ZNF888: variants seen among roughly 807,000 people sequenced by gnomAD.
The protein encoded by ZNF888 is zinc finger protein 888.
In ZNF888, 5 loss-of-function variants were observed where a neutral mutation model predicts 7.2. That is an observed-to-expected ratio of 0.70 (90% CI 0.36 to 1.46). The LOEUF (loss-of-function observed/expected upper bound fraction) is 1.46, where lower values mean the gene tolerates loss of function less well. Ranked by LOEUF, ZNF888 falls within the 40% of genes most tolerant of loss-of-function variation. The pLI is 0.03. For missense variants in ZNF888, 716 were observed against 858.0 expected, an observed-to-expected ratio of 0.83 and a Z score of 2.07; for synonymous variants, 240 against 284.3, an observed-to-expected ratio of 0.84 and a Z score of 1.57.
intron 4 of ZNF888, 144 bp downstream of exon 4, chr19:52,915,052 G>A: frequency 7.4e-7 from 1 of 1,356,572 alleles, no homozygotes; most frequent in Non-Finnish European, 9.9e-7. Context: ...GACAGTGAAA[G>A]TCCAGATGCT....
chr19:52,917,803 G>A, intron 3 of ZNF888, 56 bp downstream of exon 3: 24 of 1,612,168 alleles, frequency 1.5e-5, no homozygotes, highest in Non-Finnish European at 2.0e-5. Flanking sequence ...CAACTCCAAG[G>A]CCCAGCATTT....
chr19:52,914,012 C>T (rs2064715771), intron 4 of ZNF888, among the ~76,000 whole-genome samples: 1 of 152,130 alleles, frequency 6.6e-6, no homozygotes, highest in African/African-American at 2.4e-5. Flanking sequence ...GCAGTCCCAG[C>T]TACCCAGAAA....
intron 4 of ZNF888, among the ~76,000 whole-genome samples, chr19:52,909,129 A>C (rs1412773770): frequency 6.8e-6 from 1 of 147,090 alleles, no homozygotes; most frequent in Non-Finnish European, 1.5e-5. Context: ...TGAGCAAAAA[A>C]GTGAGACTCC....
At chr19:52,919,526 CG>C (rs1277394571) in intron 1 of ZNF888, among the ~76,000 whole-genome samples, 1 of 71,042 alleles carries the variant, frequency 1.4e-5, no homozygotes, top group East Asian at 3.1e-4. Flanking sequence ...ACCTCCCAGC[CG>C]CCTGCCTTGG....
intron 4 of ZNF888, among the ~76,000 whole-genome samples, chr19:52,911,774 A>G (rs1488186968): frequency 6.6e-6 from 1 of 152,084 alleles, no homozygotes; most frequent in Non-Finnish European, 1.5e-5. Flanking sequence ...GACTTGCAAT[A>G]AATGAAGTCA....
At chr19:52,908,345 G>A (rs528533962) in intron 4 of ZNF888, among the ~76,000 whole-genome samples, 166 bp from the exon 5 acceptor site, 3 of 152,234 alleles carry the variant, frequency 2.0e-5, no homozygotes, top group East Asian at 1.9e-4. Flanking sequence ...AATGAAGGGC[G>A]ATTACATGTA....
Position 52,915,073 on chromosome 19 carries a change from G to A in ZNF888, c.142+123C>T, listed in dbSNP as rs2064728187. ...GAAAGTCCAGATGCTACATCATGAAGCTTTTCATTTCAAAATCAATACAGC... is the reference window on the plus strand; with the variant it reads ...GAAAGTCCAGATGCTACATCATGAAACTTTTCATTTCAAAATCAATACAGC... On this transcript the variant is annotated intron_variant, in intron 4 of 4. Transcript: ENST00000638862. 9 of 1,430,152 alleles carry A rather than the reference G, an allele frequency of 6.3e-6. No individual in the cohort carries two copies. The Middle Eastern group carries it at 5.7e-4, about 90-fold the overall frequency. 88.6% of individuals were successfully genotyped at this position (1,430,152 alleles called of 1,614,324 possible).
At chr19:52,909,467 C>T (rs1375451461) in intron 4 of ZNF888, among the ~76,000 whole-genome samples, 1 of 151,800 alleles carries the variant, frequency 6.6e-6, no homozygotes, top group East Asian at 2.0e-4. Flanking sequence ...AGGCTCGTCT[C>T]GAACTCCTGA....
At chr19:52,913,320 CTTTTTT>C (rs34481338) in intron 4 of ZNF888, among the ~76,000 whole-genome samples, 3 of 92,082 alleles carry the variant, frequency 3.3e-5, no homozygotes, top group African/African-American at 4.2e-5. Context: ...GTTATGGATT[CTTTTTT>C]TTTTTTTTTT....
At chr19:52,914,402 G>T (rs1011247766) in intron 4 of ZNF888, 2 of 969,694 alleles carry the variant, frequency 2.1e-6, no homozygotes, top group Non-Finnish European at 2.5e-6. Flanking sequence ...TAACAGGTCA[G>T]AGACTCCTAC....
intron 1 of ZNF888, among the ~76,000 whole-genome samples, chr19:52,923,162 A>T (rs1023256427): frequency 5.3e-5 from 8 of 152,188 alleles, no homozygotes; most frequent in Non-Finnish European, 1.5e-5. Context: ...ATTGCCCTAT[A>T]GCAAAAAGAC....
intron 1 of ZNF888, among the ~76,000 whole-genome samples, chr19:52,921,985 T>C (rs1303881498): frequency 6.6e-6 from 1 of 152,032 alleles, no homozygotes; most frequent in African/African-American, 2.4e-5. Context: ...GAGAGTCAGC[T>C]GTTGAACTAA....
At chr19:52,918,459 C>A (rs1046873976) in intron 2 of ZNF888, among the ~76,000 whole-genome samples, 16 of 152,098 alleles carry the variant, frequency 1.1e-4, no homozygotes, top group African/African-American at 3.9e-4. Flanking sequence ...CATGGTGAAA[C>A]CCTGTCTGTA....
At position 52,920,280 on chromosome 19, in the gene ZNF888, G is replaced by A. The variant is rs556401736; in HGVS notation, c.-177-1343C>T. 2.1e-3 allele frequency among the ~76,000 whole-genome samples: 137 copies of A among 64,174 alleles called. 44 individuals carry two copies. The highest frequency in any genetic ancestry group is 5.7e-3 in the African/African-American group (113 of 19,666). 42.1% of individuals were successfully genotyped at this position (64,174 alleles called of 152,430 possible). On this transcript the variant is annotated intron_variant, in intron 1 of 4. Coordinates refer to ENST00000638862, the MANE Select transcript of ZNF888 (RefSeq NM_001393938.1). The stretch of plus-strand genomic sequence containing the variant: ...AAGGTGGGGAAAAAATTGAGAGGCC[G>A]GGTGGTTGCCGGGTCTGTGTGGATG...
intron 1 of ZNF888, 54 bp from the exon 2 acceptor site, chr19:52,918,991 C>G (rs1568748849): frequency 0.5 from 1 of 2 alleles, no homozygotes; most frequent in Non-Finnish European, 0.5. Flanking sequence ...TCTCCCTCTC[C>G]CTCTCCCTCT....
chr19:52,921,756 C>G lies in ZNF888; in HGVS notation c.-178+1613G>C, dbSNP rs376118188. 64 of 486,068 alleles carry G rather than the reference C, an allele frequency of 1.3e-4. No individual in the cohort carries two copies. The South Asian group carries it at 5.2e-3, about 39-fold the overall frequency. 30.1% of individuals were successfully genotyped at this position (486,068 alleles called of 1,614,324 possible). ...CAGCCTGACCTACATGGAGGAACCC[C>G]GTTTCTACTGAAAATACAAAAATTA... On this transcript the variant is annotated intron_variant, in intron 1 of 4. Transcript: ENST00000638862.
At chr19:52,917,787 G>C in intron 3 of ZNF888, 72 bp downstream of exon 3, 1 of 1,609,010 alleles carries the variant, frequency 6.2e-7, no homozygotes, top group African/African-American at 1.3e-5. Context: ...ACTCAGAGAA[G>C]TTTCCCAACT....
In ZNF888 at chr19:52,920,065, T is replaced by TG. The variant is rs1568750107; in HGVS notation, c.-177-1129_-177-1128insC. Among the ~76,000 whole-genome samples, 3 of 41,370 alleles carry TG rather than the reference T, an allele frequency of 7.3e-5. 1 individual carries two copies. Among genetic ancestry groups the TG allele is most frequent in the Non-Finnish European group, 1.0e-4 (2 of 19,358 alleles). The allele number at this position is 41,370 out of a possible 152,430, so 27.1% of individuals were successfully genotyped here. On this transcript the variant is annotated intron_variant, in intron 1 of 4. Coordinates refer to ENST00000638862, the MANE Select transcript of ZNF888 (RefSeq NM_001393938.1). ...CCAGCCGCCCCGTCCGGGAGGGAGG[T>TG]TGGGGGGTCAGCCCCCCGCCCGGCC... is the stretch of plus-strand genomic sequence containing the variant.
chr19:52,919,384 T>C (rs2064794844), intron 1 of ZNF888, among the ~76,000 whole-genome samples: 1 of 68,494 alleles, frequency 1.5e-5, no homozygotes, highest in African/African-American at 4.6e-5. Flanking sequence ...TTGGCCGGGC[T>C]GGTCTCCAGC....
Sources: allele counts gnomAD v4.1 joint callset (sites outside exome capture counted in the v4.1 genomes callset), GRCh38; gene constraint gnomAD v4.1.1; transcripts MANE v1.5; gene names NCBI Gene and HGNC (gene_info 2026-07-23, HGNC 2026-07-21).